FA2H: variants seen among roughly 807,000 people sequenced by gnomAD.
The protein encoded by FA2H is fatty acid alpha-hydroxylase.
In FA2H, 22 loss-of-function variants were observed where a neutral mutation model predicts 44.9. The ratio of observed to expected loss-of-function variants is 0.49; its 90% CI spans 0.35 to 0.70. The LOEUF is 0.70. FA2H is among the 30% of genes least tolerant of loss of function. The pLI is 0.01. For synonymous variants in FA2H, 243 were observed against 213.2 expected (o/e 1.14, Z -1.22); for missense variants, 501 against 504.9 (o/e 0.99, Z 0.07).
Position 74,713,073 on chromosome 16 carries a change from T to A in FA2H, c.*1117A>T, listed in dbSNP as rs1421159482. The A allele has an allele frequency of 1.3e-5, 2 of 152,662 alleles. No individual in the cohort carries two copies. Among genetic ancestry groups the A allele is most frequent in the Non-Finnish European group, 2.9e-5 (2 of 68,044 alleles). The allele number at this position is 152,662 out of a possible 1,614,324, so 9.5% of individuals were successfully genotyped here. A position where few individuals can be genotyped will look rare whatever the true frequency, so the allele number is the denominator to read the frequency against. The stretch of plus-strand genomic sequence containing the variant: ...CTTTAAATAGCTCCGCAGCAAACAG[T>A]ACAAATCACAAGGTCCGTCAAACTG... On this transcript the variant is annotated 3_prime_UTR_variant, in exon 7 of 7. Coordinates refer to ENST00000219368, the MANE Select transcript of FA2H (RefSeq NM_024306.5).
intron 2 of FA2H, among the ~76,000 whole-genome samples, chr16:74,739,077 G>T (rs1017398428): frequency 1.3e-5 from 2 of 152,224 alleles, no homozygotes; most frequent in African/African-American, 4.8e-5. Context: ...GCTTTGTGGG[G>T]TCCCCACCCC....
intron 4 of FA2H, among the ~76,000 whole-genome samples, chr16:74,724,212 T>C (rs1160039964): frequency 1.3e-5 from 2 of 152,048 alleles, no homozygotes; most frequent in African/African-American, 4.8e-5. Flanking sequence ...TTAGCTCTCT[T>C]GTTGGTAAGG....
At chr16:74,771,065 G>C (rs1484684184) in intron 1 of FA2H, among the ~76,000 whole-genome samples, 1 of 152,138 alleles carries the variant, frequency 6.6e-6, no homozygotes, top group Non-Finnish European at 1.5e-5. Flanking sequence ...TTGCGAGGAC[G>C]AGCCACACCC....
chr16:74,732,506 G>A (rs1361380751), intron 2 of FA2H, among the ~76,000 whole-genome samples: 1 of 149,990 alleles, frequency 6.7e-6, no homozygotes, highest in African/African-American at 2.5e-5. Context: ...GTGTGATCTC[G>A]GCTCACTGCA....
chr16:74,733,838 C>A (rs1962127390), intron 2 of FA2H, among the ~76,000 whole-genome samples: 1 of 152,214 alleles, frequency 6.6e-6, no homozygotes, highest in South Asian at 2.1e-4. Flanking sequence ...CCCCGCCTGC[C>A]CCCGCTCACC....
chr16:74,730,165 G>C (rs977102421), intron 2 of FA2H, among the ~76,000 whole-genome samples: 1 of 152,138 alleles, frequency 6.6e-6, no homozygotes, highest in Non-Finnish European at 1.5e-5. Context: ...CTGGGAGCAG[G>C]GGGGTGGGGG....
chr16:74,730,886 G>C (rs1157454135), intron 2 of FA2H, among the ~76,000 whole-genome samples: 4 of 152,148 alleles, frequency 2.6e-5, no homozygotes, highest in African/African-American at 9.7e-5. Flanking sequence ...TGAGTAATCT[G>C]CCCAAGGTCG....
Position 74,727,366 on chromosome 16 carries a change from C to T in FA2H, c.384G>A (p.Lys128=), listed in dbSNP as rs925293378. 1 of 1,614,148 alleles carries T rather than the reference C, an allele frequency of 6.2e-7. No individual in the cohort carries two copies. Among genetic ancestry groups the T allele is most frequent in the African/African-American group, 1.3e-5 (1 of 74,962 alleles). ...DWDKDLVDWR[K]PLLWQVGHLG... ...AGTGGCCCACCTGCCACAGGAGAGG[C>T]TTTCGCCAGTCCACCAGGTCCTGCA... Residue 128 remains lysine, a synonymous_variant, in exon 3 of 7, where the codon AAG becomes AAA. Coordinates refer to ENST00000219368, the MANE Select transcript of FA2H (RefSeq NM_024306.5).
At chr16:74,740,301 T>C (rs1334986350) in intron 1 of FA2H, among the ~76,000 whole-genome samples, 186 bp from the exon 2 acceptor site, 3 of 152,096 alleles carry the variant, frequency 2.0e-5, no homozygotes, top group Non-Finnish European at 4.4e-5. Flanking sequence ...TGTTATTCTC[T>C]GTATTTTACA....
chr16:74,765,940 C>T (rs1477404590), intron 1 of FA2H, among the ~76,000 whole-genome samples: 2 of 152,118 alleles, frequency 1.3e-5, no homozygotes, highest in Non-Finnish European at 2.9e-5. Context: ...AAGTCCAGTC[C>T]TTGGGGAGTT....
chr16:74,770,475 C>A (rs914817550), intron 1 of FA2H, among the ~76,000 whole-genome samples: 2 of 152,144 alleles, frequency 1.3e-5, no homozygotes, highest in African/African-American at 4.8e-5. Context: ...GCCTCCTGGG[C>A]TCCAGTGATC....
Position 74,740,014 on chromosome 16 carries a change from G to C in FA2H, c.363+9C>G, listed in dbSNP as rs368867543. 1 of 1,604,078 alleles carries C rather than the reference G, an allele frequency of 6.2e-7. No homozygotes were observed. The highest frequency in any genetic ancestry group is 8.5e-7 in the Non-Finnish European group (1 of 1,170,872). On this transcript the variant is annotated intron_variant, in intron 2 of 6. Transcript: ENST00000219368. ...CAGTCATCACCCCACTCCATCCTAT[G>C]CCAGGTACCTTGTCCCAATCCACCA... is the stretch of plus-strand genomic sequence containing the variant.
At chr16:74,743,733 C>T (rs1007187171) in intron 1 of FA2H, among the ~76,000 whole-genome samples, 9 of 152,174 alleles carry the variant, frequency 5.9e-5, no homozygotes, top group Non-Finnish European at 1.2e-4. Flanking sequence ...GACTGATATG[C>T]TTCTGGCAAA....
At chr16:74,755,336 C>T (rs1204306898) in intron 1 of FA2H, among the ~76,000 whole-genome samples, 1 of 152,126 alleles carries the variant, frequency 6.6e-6, no homozygotes, top group Non-Finnish European at 1.5e-5. Flanking sequence ...TGTGCTACCA[C>T]ACCCAGCTAA....
At chr16:74,714,499 C>G (rs778761607) in intron 6 of FA2H, among the ~76,000 whole-genome samples, 1 of 152,138 alleles carries the variant, frequency 6.6e-6, no homozygotes, top group African/African-American at 2.4e-5. Context: ...ATCTGGCCTT[C>G]GTTTCTAGGC....
At chr16:74,771,837 G>C (rs921724368) in intron 1 of FA2H, among the ~76,000 whole-genome samples, 1 of 151,986 alleles carries the variant, frequency 6.6e-6, no homozygotes, top group Non-Finnish European at 1.5e-5. Flanking sequence ...CATCCTGCCT[G>C]ATCTCCTCAC....
In FA2H at chr16:74,716,512, G is replaced by C. The variant is rs772704885; in HGVS notation, c.874C>G (p.Leu292Val). Residue 292 changes from leucine to valine, a missense_variant, in exon 6 of 7, where the codon CTG (leucine) becomes GTG (valine). Leu to Val is a conservative substitution (Grantham distance 32). Coordinates refer to ENST00000219368, the MANE Select transcript of FA2H (RefSeq NM_024306.5). ...GVFYLCMQLILPEAVGGTVFA... is the reference protein window; with the variant it reads ...GVFYLCMQLIVPEAVGGTVFA... The stretch of plus-strand genomic sequence containing the variant: ...ACAGTGCCCCCTACTGCCTCGGGCA[G>C]GATGAGCTGCATGCACAAGTAGAAG... 31 of 1,613,282 alleles carry C rather than the reference G, an allele frequency of 1.9e-5. No individual in the cohort carries two copies. Among genetic ancestry groups the C allele is most frequent in the Non-Finnish European group, 2.6e-5 (31 of 1,179,808 alleles).
intron 1 of FA2H, among the ~76,000 whole-genome samples, chr16:74,756,370 C>CTG (rs1265908602): frequency 2.6e-5 from 4 of 152,142 alleles, no homozygotes; most frequent in Non-Finnish European, 5.9e-5. Context: ...CGGACAACCA[C>CTG]TGTGGGCCAC....
At chr16:74,744,347 G>C (rs1198311064) in intron 1 of FA2H, among the ~76,000 whole-genome samples, 1 of 151,930 alleles carries the variant, frequency 6.6e-6, no homozygotes, top group African/African-American at 2.4e-5. Context: ...CTGGAAGCAA[G>C]CCAAAGGGTG....
Sources: allele counts gnomAD v4.1 joint callset (sites outside exome capture counted in the v4.1 genomes callset), GRCh38; gene constraint gnomAD v4.1.1; transcripts MANE v1.5; gene names NCBI Gene and HGNC (gene_info 2026-07-23, HGNC 2026-07-21).